The following LARP1B variants were observed in gnomAD, a reference collection of about 807,000 sequenced individuals.
LARP1B encodes la-related protein 1B.
A neutral mutation model predicts 114.2 loss-of-function variants in LARP1B; 76 were observed. The observed-to-expected ratio is 0.67, with a 90% CI of 0.55 to 0.81. LARP1B has a LOEUF of 0.81. Among genes scored for constraint, LARP1B ranks in the 30% least tolerant of loss-of-function variants. LARP1B has a pLI of 0.00. For synonymous variants in LARP1B, 345 were observed against 348.0 expected, an observed-to-expected ratio of 0.99 and a Z score of 0.10; for missense variants, 1,014 against 1,075.8, an observed-to-expected ratio of 0.94 and a Z score of 0.80.
upstream of LARP1B, among the ~76,000 whole-genome samples, chr4:128,060,865 G>C (rs1037324361): frequency 1.5e-4 from 23 of 152,326 alleles, no homozygotes; most frequent in African/African-American, 5.5e-4. Flanking sequence ...CTTGGGAGCT[G>C]CCCCAGGCCG....
chr4:128,061,157 C>T (rs1759965240), upstream of LARP1B: 1 of 152,066 alleles, frequency 6.6e-6, no homozygotes, highest in Non-Finnish European at 1.5e-5. Context: ...GGCAGACCCT[C>T]GGGCCGGGCG....
intron 14 of LARP1B, 107 bp from the exon 15 acceptor site, chr4:128,179,299 C>G (rs1432214872): frequency 6.6e-6 from 4 of 608,184 alleles, no homozygotes; most frequent in Non-Finnish European, 5.5e-6. Context: ...AATGTGTTAT[C>G]TACAGTATGA....
intron 5 of LARP1B, among the ~76,000 whole-genome samples, chr4:128,083,648 G>C (rs1244189608): frequency 1.5e-5 from 2 of 131,586 alleles, no homozygotes; most frequent in East Asian, 4.5e-4. Flanking sequence ...CCTCCCGGAC[G>C]GGGCGGCTGG....
chr4:128,182,079 T>TG (rs1478367385), intron 15 of LARP1B, among the ~76,000 whole-genome samples: 1 of 148,770 alleles, frequency 6.7e-6, no homozygotes, highest in African/African-American at 2.5e-5. Context: ...CCCAAAGTGC[T>TG]GGGATTACAG....
chr4:128,074,382 T>A (rs1002508627), intron 1 of LARP1B, 78 bp from the exon 2 acceptor site: 3 of 228,528 alleles, frequency 1.3e-5, no homozygotes, highest in African/African-American at 7.0e-5. Flanking sequence ...ACTGATTTAC[T>A]GAAATTGACA....
At chr4:128,078,555 C>T (rs1161101164) in intron 4 of LARP1B, among the ~76,000 whole-genome samples, 1 of 151,104 alleles carries the variant, frequency 6.6e-6, no homozygotes, top group African/African-American at 2.4e-5. Flanking sequence ...GAGCCGAGGT[C>T]GCGCCATTGC....
intron 3 of LARP1B, among the ~76,000 whole-genome samples, chr4:128,076,320 C>T (rs902797720): frequency 6.6e-6 from 1 of 152,128 alleles, no homozygotes; most frequent in Non-Finnish European, 1.5e-5. Context: ...TCGTTGTATT[C>T]TTAAGAGGTA....
At chr4:128,107,927 A>C (rs771293574) in intron 9 of LARP1B, 2 of 1,535,992 alleles carry the variant, frequency 1.3e-6, no homozygotes, top group Non-Finnish European at 1.7e-6. Flanking sequence ...ATTTGATCGG[A>C]ATATGCAGTG....
Position 128,194,682 on chromosome 4 carries a change from C to CA in LARP1B, c.2004-4728dup, listed in dbSNP as rs56843140. On this transcript the variant is annotated intron_variant, in intron 15 of 19. Transcript: ENST00000326639. Reference sequence around the variant, plus strand: ...TGGGCGACAGAGCAAGACTCTGTCTCAAAAAAAAAAAAAAAAAAAAAAAAA... The same window carrying CA: ...TGGGCGACAGAGCAAGACTCTGTCTCAAAAAAAAAAAAAAAAAAAAAAAAAA... Among the ~76,000 whole-genome samples, 41 of 25,900 alleles carry CA rather than the reference C, an allele frequency of 1.6e-3. 4 individuals carry two copies. Among genetic ancestry groups the CA allele is most frequent in the East Asian group, 6.0e-3 (4 of 668 alleles). 17.0% of individuals were successfully genotyped at this position (25,900 alleles called of 152,430 possible).
chr4:128,222,491 T>A (rs899869642), exon 8 of LARP1B: 10 of 398,302 alleles, frequency 2.5e-5, no homozygotes, highest in South Asian at 1.4e-4. Flanking sequence ...CTTCCAAGTT[T>A]GACTTGCATC....
At chr4:128,140,855 G>T (rs1051642535) in intron 11 of LARP1B, among the ~76,000 whole-genome samples, 2 of 118,548 alleles carry the variant, frequency 1.7e-5, no homozygotes, top group Admixed American at 2.2e-4. Context: ...TTGCTCTGTC[G>T]CCCAGGCTAG....
At chr4:128,153,580 A>C (rs1358353955) in intron 11 of LARP1B, among the ~76,000 whole-genome samples, 2 of 152,230 alleles carry the variant, frequency 1.3e-5, no homozygotes, top group Non-Finnish European at 1.5e-5. Context: ...CTGGAATTAC[A>C]GGCATGAGCC....
chr4:128,151,896 G>A (rs888507725), intron 11 of LARP1B, among the ~76,000 whole-genome samples: 24 of 152,186 alleles, frequency 1.6e-4, no homozygotes, highest in Admixed American at 6.5e-4. Flanking sequence ...GAGCCACCGC[G>A]CCCAGCCAGG....
intron 18 of LARP1B, chr4:128,206,973 TCA>T: frequency 2.9e-6 from 1 of 346,484 alleles, no homozygotes; most frequent in Non-Finnish European, 4.1e-6. Context: ...CTTGCTAGCC[TCA>T]GTTTTCTCAT....
At chr4:128,161,057 C>A (rs1191556715) in intron 11 of LARP1B, among the ~76,000 whole-genome samples, 2 of 152,180 alleles carry the variant, frequency 1.3e-5, no homozygotes, top group Non-Finnish European at 2.9e-5. Flanking sequence ...TGTAAAGATT[C>A]ATGTACCCAT....
chr4:128,211,130 C>A lies in LARP1B; in HGVS notation c.*1077C>A, dbSNP rs542945822. On this transcript the variant is annotated 3_prime_UTR_variant, in exon 20 of 20. Transcript: ENST00000326639. ...GATTTAAAAAAATAAAGCACTTATT[C>A]TGAATTTTTTGAATTGATTTTTAAT... 10 of 905,650 alleles carry A rather than the reference C, an allele frequency of 1.1e-5. No individual in the cohort carries two copies. Among genetic ancestry groups the A allele is most frequent in the Non-Finnish European group, 1.3e-5 (10 of 757,684 alleles). The allele number at this position is 905,650 out of a possible 1,614,324, so 56.1% of individuals were successfully genotyped here.
chr4:128,066,165 C>CTTCTTT (rs1762728664), intron 1 of LARP1B, among the ~76,000 whole-genome samples: 1 of 99,188 alleles, frequency 1.0e-5, no homozygotes, highest in African/African-American at 3.8e-5. Flanking sequence ...TTTCTTTCTT[C>CTTCTTT]TTTTTTTTTT....
At chr4:128,190,466 C>T (rs1354821535) in intron 15 of LARP1B, among the ~76,000 whole-genome samples, 2 of 152,114 alleles carry the variant, frequency 1.3e-5, no homozygotes, top group African/African-American at 2.4e-5. Flanking sequence ...TGTTCCCACC[C>T]GTCTCATCTC....
At chr4:128,175,977 G>C (rs1581297165) in intron 12 of LARP1B, among the ~76,000 whole-genome samples, 1 of 150,690 alleles carries the variant, frequency 6.6e-6, no homozygotes, top group Non-Finnish European at 1.5e-5. Flanking sequence ...ACTCTTTCTG[G>C]GTTGTTACTG....
Sources: gnomAD v4.1 joint callset for allele counts (sites outside exome capture counted in the v4.1 genomes callset) on GRCh38, gnomAD v4.1.1 for gene constraint, MANE v1.5 for transcripts, NCBI Gene and HGNC (gene_info 2026-07-23, HGNC 2026-07-21) for gene names.